Variants in MORC3 observed in about 807,000 individuals in gnomAD.
MORC3 encodes the protein MORC family CW-type zinc finger 3.
MORC3 carries 31 observed loss-of-function variants against 109.1 expected under a neutral mutation model. The observed-to-expected ratio is 0.28, with a 90% CI of 0.21 to 0.38. The LOEUF is 0.38. MORC3 is among the 10% of genes least tolerant of loss of function. The pLI is 1.00. For synonymous variants in MORC3, 395 were observed against 380.7 expected (o/e 1.04, Z -0.44); for missense variants, 867 against 1,135.8 (o/e 0.76, Z 3.40).
intron 1 of MORC3, 48 bp downstream of exon 1, chr21:36,320,351 C>T: frequency 3.7e-6 from 3 of 821,758 alleles, no homozygotes; most frequent in Non-Finnish European, 3.3e-6. Flanking sequence ...GGAGGGCGGG[C>T]GGGCAAGCGA....
intron 3 of MORC3, among the ~76,000 whole-genome samples, chr21:36,337,480 C>CT (rs1260512086): frequency 6.6e-6 from 1 of 151,810 alleles, no homozygotes; most frequent in African/African-American, 2.4e-5. Flanking sequence ...ATTTGGTTTC[C>CT]TTATTTCAGA....
chr21:36,327,819 T>A (rs1474929558), intron 1 of MORC3, among the ~76,000 whole-genome samples: 1 of 145,628 alleles, frequency 6.9e-6, no homozygotes, highest in Non-Finnish European at 1.5e-5. Context: ...CCATTTTGAT[T>A]TTTAGTCTGT....
intron 14 of MORC3, among the ~76,000 whole-genome samples, chr21:36,367,958 G>A (rs566932745): frequency 2.8e-4 from 43 of 152,266 alleles, no homozygotes; most frequent in Non-Finnish European, 5.3e-4. Flanking sequence ...AAAACTTTGC[G>A]TTTGTTATGT....
intron 1 of MORC3, among the ~76,000 whole-genome samples, chr21:36,332,189 C>CT (rs2085324254): frequency 6.6e-6 from 1 of 151,990 alleles, no homozygotes; most frequent in South Asian, 2.1e-4. Context: ...AATCCCAGCA[C>CT]TTTGGGAGGC....
intron 9 of MORC3, among the ~76,000 whole-genome samples, chr21:36,355,831 C>G (rs1471068301): frequency 1.3e-5 from 2 of 151,934 alleles, no homozygotes; most frequent in African/African-American, 4.8e-5. Context: ...TGGCAAGTGC[C>G]TGTGGCCCCA....
chr21:36,320,377 GGGCGGT>G, intron 1 of MORC3, 74 bp downstream of exon 1: 2 of 1,261,656 alleles, frequency 1.6e-6, no homozygotes, highest in Non-Finnish European at 2.0e-6. Context: ...GGCCGGCAGT[GGGCGGT>G]GGCGGCTTGT....
At chr21:36,349,904 A>G (rs964302623) in intron 9 of MORC3, among the ~76,000 whole-genome samples, 6 of 152,326 alleles carry the variant, frequency 3.9e-5, no homozygotes, top group African/African-American at 1.4e-4. Flanking sequence ...TGATGGGCAC[A>G]GCTGAAGCTC....
At chr21:36,320,857 G>T (rs1254334874) in intron 1 of MORC3, among the ~76,000 whole-genome samples, 1 of 152,216 alleles carries the variant, frequency 6.6e-6, no homozygotes, top group Non-Finnish European at 1.5e-5. Context: ...CGCTGAGCTC[G>T]AGCTCTCCTC....
intron 5 of MORC3, among the ~76,000 whole-genome samples, chr21:36,340,667 CT>C (rs1405176252): frequency 3.9e-5 from 4 of 101,812 alleles, no homozygotes; most frequent in Non-Finnish European, 7.7e-5. Context: ...TAGCGTTTTG[CT>C]CTTTCCCCCA....
chr21:36,338,407 G>T (rs1322859055), intron 4 of MORC3, among the ~76,000 whole-genome samples: 1 of 151,954 alleles, frequency 6.6e-6, no homozygotes, highest in East Asian at 1.9e-4. Flanking sequence ...TAGAAAATAG[G>T]CTGAGCTCGG....
chr21:36,320,368 G>A (rs984584731), intron 1 of MORC3, 65 bp downstream of exon 1: 2 of 1,295,286 alleles, frequency 1.5e-6, no homozygotes, highest in South Asian at 3.9e-5. Context: ...GCGAAGGGGG[G>A]CCGGCAGTGG....
At chr21:36,340,722 C>T (rs1054387738) in intron 5 of MORC3, among the ~76,000 whole-genome samples, 8 of 151,132 alleles carry the variant, frequency 5.3e-5, no homozygotes, top group Admixed American at 2.7e-4. Context: ...CTGCAACCTC[C>T]GCCCACCGGG....
chr21:36,344,447 C>T, intron 6 of MORC3, 132 bp from the exon 7 acceptor site: 1 of 1,069,542 alleles, frequency 9.3e-7, no homozygotes, highest in Middle Eastern at 3.1e-4. Flanking sequence ...TAACATACAG[C>T]TTTATAGCCT....
At chr21:36,321,593 C>A (rs1305897764) in intron 1 of MORC3, among the ~76,000 whole-genome samples, 3 of 151,214 alleles carry the variant, frequency 2.0e-5, no homozygotes, top group Admixed American at 2.0e-4. Flanking sequence ...AATTATTCCC[C>A]ACTTGTGTGA....
At chr21:36,345,105 C>G in intron 8 of MORC3, 74 bp downstream of exon 8, 1 of 1,384,094 alleles carries the variant, frequency 7.2e-7, no homozygotes, top group Non-Finnish European at 9.8e-7. Flanking sequence ...GCTCTTGAGT[C>G]AAATGTTAAA....
chr21:36,350,542 CA>C (rs34750900), intron 9 of MORC3, among the ~76,000 whole-genome samples: 77,276 of 116,316 alleles, frequency 0.66, 23,641 homozygotes, highest in East Asian at 0.96. Flanking sequence ...CACCCTGCCT[CA>C]AAAAAAAAAA....
chr21:36,366,892 C>G (rs1478162864), intron 14 of MORC3, among the ~76,000 whole-genome samples: 1 of 152,118 alleles, frequency 6.6e-6, no homozygotes, highest in African/African-American at 2.4e-5. Context: ...TTAAACAGGG[C>G]AGAGTAAGCA....
chr21:36,370,003 G>A lies in MORC3; in HGVS notation c.2508+127G>A. 4.6e-6 allele frequency: 5 copies of A among 1,075,700 alleles called. No individual in the cohort carries two copies. In the South Asian group the frequency reaches 7.7e-5, roughly 17 times the overall value. 66.6% of individuals were successfully genotyped at this position (1,075,700 alleles called of 1,614,324 possible). On this transcript the variant is annotated intron_variant, in intron 15 of 16. Coordinates refer to ENST00000400485, the MANE Select transcript of MORC3 (RefSeq NM_015358.3). Reference sequence around the variant, plus strand: ...CCACTTGGGGAGGCCAAGGCGGGTGGGTCAGTCACTTGAGGTCAAGGAGTT... The same window carrying A: ...CCACTTGGGGAGGCCAAGGCGGGTGAGTCAGTCACTTGAGGTCAAGGAGTT...
At position 36,349,240 on chromosome 21, in the gene MORC3, A is replaced by G. The variant is rs2085545638; in HGVS notation, c.1006-71A>G. The G allele has an allele frequency of 4.3e-6, 4 of 924,462 alleles. No homozygotes were observed. In the Admixed American group the frequency reaches 9.5e-5, roughly 22 times the overall value. The allele number at this position is 924,462 out of a possible 1,614,324, so 57.3% of individuals were successfully genotyped here. A position where few individuals can be genotyped will look rare whatever the true frequency, so the allele number is the denominator to read the frequency against. On this transcript the variant is annotated intron_variant, in intron 8 of 16. Coordinates refer to ENST00000400485, the MANE Select transcript of MORC3 (RefSeq NM_015358.3). ...AATATAGAAAAATATACAAACTATA[A>G]TTCTTTAAGGGTAATTATTTTGAGC...
Sources: allele counts gnomAD v4.1 joint callset (sites outside exome capture counted in the v4.1 genomes callset), GRCh38; gene constraint gnomAD v4.1.1; transcripts MANE v1.5; gene names NCBI Gene and HGNC (gene_info 2026-07-23, HGNC 2026-07-21).